The following PCED1B variants were observed in gnomAD, a reference collection of about 807,000 sequenced individuals.
PCED1B encodes PC-esterase domain containing 1B, also known as PC-esterase domain-containing protein 1B.
For synonymous variants in PCED1B, 251 were observed against 246.1 expected (o/e 1.02, Z -0.19); for missense variants, 573 against 573.9 (o/e 1.00, Z 0.02).
At chr12:47,175,269 A>G (rs1006104635) in intron 2 of PCED1B, among the ~76,000 whole-genome samples, 21 of 152,222 alleles carry the variant, frequency 1.4e-4, no homozygotes, top group Admixed American at 1.4e-3. Flanking sequence ...AAAAGTGCTC[A>G]TAATATCTGG....
At chr12:47,234,986 C>T in intron 3 of PCED1B, 21 bp from the exon 4 acceptor site, 1 of 1,368,070 alleles carries the variant, frequency 7.3e-7, no homozygotes, top group South Asian at 1.6e-5. Flanking sequence ...CCCTCCCAGC[C>T]CTTCTCTCCT....
At chr12:47,161,989 C>G (rs1033207685) in intron 2 of PCED1B, among the ~76,000 whole-genome samples, 18 of 152,058 alleles carry the variant, frequency 1.2e-4, no homozygotes, top group Non-Finnish European at 7.4e-5. Context: ...TGGAAACCAT[C>G]ATTCTCAGCA....
intron 2 of PCED1B, among the ~76,000 whole-genome samples, chr12:47,178,314 T>C (rs1941989169): frequency 1.3e-5 from 2 of 152,186 alleles, no homozygotes; most frequent in African/African-American, 4.8e-5. Flanking sequence ...TGCCATGTGC[T>C]GACTGCATTT....
chr12:47,119,931 A>G (rs1939602583), intron 2 of PCED1B, among the ~76,000 whole-genome samples: 2 of 151,786 alleles, frequency 1.3e-5, no homozygotes, highest in Admixed American at 1.3e-4. Context: ...ACACCACTGC[A>G]CTCCAGCCTG....
intron 2 of PCED1B, chr12:47,136,085 C>CTTTTTTTTTT (rs57549946): frequency 3.8e-5 from 5 of 131,498 alleles, no homozygotes; most frequent in East Asian, 2.2e-4. Context: ...CAATTTCTTT[C>CTTTTTTTTTT]TTTTTTTTTT....
chr12:47,093,785 G>T (rs1216230261), intron 1 of PCED1B, among the ~76,000 whole-genome samples: 1 of 151,912 alleles, frequency 6.6e-6, no homozygotes, highest in Non-Finnish European at 1.5e-5. Flanking sequence ...GGTCAGAGAA[G>T]ACATTCTGAA....
intron 2 of PCED1B, among the ~76,000 whole-genome samples, chr12:47,158,953 C>T (rs1163245369): frequency 6.6e-6 from 1 of 152,132 alleles, no homozygotes; most frequent in African/African-American, 2.4e-5. Context: ...TACTCTCTAT[C>T]TCCATGAACT....
At chr12:47,190,541 C>T (rs1942410209) in intron 2 of PCED1B, among the ~76,000 whole-genome samples, 2 of 152,208 alleles carry the variant, frequency 1.3e-5, no homozygotes, top group Admixed American at 6.5e-5. Flanking sequence ...GTGGGAAACC[C>T]TCTTTATAGC....
chr12:47,197,175 G>A (rs1209143096), intron 2 of PCED1B, among the ~76,000 whole-genome samples: 1 of 144,368 alleles, frequency 6.9e-6, no homozygotes, highest in Non-Finnish European at 1.5e-5. Flanking sequence ...GGAGGCGGAG[G>A]TTGCAGTGAG....
rs1291573558 is a variant in PCED1B, at chr12:47,235,417, G to T, written c.354G>T (p.Leu118=). 6.2e-7 allele frequency: 1 copy of T among 1,614,064 alleles called. No homozygotes were observed. Among genetic ancestry groups the T allele is most frequent in the African/African-American group, 1.3e-5 (1 of 74,926 alleles). The change falls in exon 4 of 4, where the codon CTG becomes CTT. Residue 118 remains leucine (L), a synonymous_variant. Coordinates refer to ENST00000546455, the MANE Select transcript of PCED1B (RefSeq NM_138371.3). The part of the protein sequence containing the change: ...ELQSGEHAPD[L]VIMNSCLWDI... ...AGTCGGGCGAGCACGCCCCCGACCTGGTCATCATGAATTCCTGCCTCTGGG... is the reference window on the plus strand; with the variant it reads ...AGTCGGGCGAGCACGCCCCCGACCTTGTCATCATGAATTCCTGCCTCTGGG...
At chr12:47,149,173 A>G (rs1940899571) in intron 2 of PCED1B, among the ~76,000 whole-genome samples, 1 of 152,244 alleles carries the variant, frequency 6.6e-6, no homozygotes, top group South Asian at 2.1e-4. Flanking sequence ...CAGTTTAGAC[A>G]TCACTCAATT....
intron 1 of PCED1B, among the ~76,000 whole-genome samples, chr12:47,082,753 A>C (rs1268037275): frequency 6.6e-6 from 1 of 152,190 alleles, no homozygotes; most frequent in Admixed American, 6.5e-5. Context: ...GGATGCAATT[A>C]TCTCAAGGTT....
At chr12:47,087,086 C>T (rs1443512664) in intron 1 of PCED1B, among the ~76,000 whole-genome samples, 1 of 152,196 alleles carries the variant, frequency 6.6e-6, no homozygotes, top group Non-Finnish European at 1.5e-5. Context: ...AAACACAAGG[C>T]CCTCTGTGGT....
chr12:47,183,076 G>A (rs886640106), intron 2 of PCED1B, among the ~76,000 whole-genome samples: 1 of 151,990 alleles, frequency 6.6e-6, no homozygotes, highest in Admixed American at 6.6e-5. Flanking sequence ...TGGAAAACAG[G>A]TGACATAAAG....
intron 2 of PCED1B, among the ~76,000 whole-genome samples, chr12:47,185,680 G>T (rs115534146): frequency 3.3e-5 from 5 of 151,414 alleles, no homozygotes; most frequent in African/African-American, 4.9e-5. Context: ...TCCCAACTAT[G>T]CAGGAGGCTG....
At chr12:47,215,256 C>CT (rs572530499) in intron 2 of PCED1B, among the ~76,000 whole-genome samples, 78 of 144,108 alleles carry the variant, frequency 5.4e-4, no homozygotes, top group East Asian at 2.0e-3. Context: ...CTCCCCCACC[C>CT]TTTTTTTTTT....
chr12:47,213,015 C>A (rs1943140508), intron 2 of PCED1B, among the ~76,000 whole-genome samples: 1 of 152,212 alleles, frequency 6.6e-6, no homozygotes. Context: ...GAAATCCTGA[C>A]AGAATGGGAT....
At chr12:47,202,581 G>A (rs1438229323) in intron 2 of PCED1B, among the ~76,000 whole-genome samples, 11 of 113,928 alleles carry the variant, frequency 9.7e-5, no homozygotes, top group African/African-American at 3.1e-4. Context: ...ACTCCTTCAC[G>A]TCTAGACATT....
chr12:47,094,164 T>C (rs1006650706), intron 1 of PCED1B, among the ~76,000 whole-genome samples: 1 of 152,140 alleles, frequency 6.6e-6, no homozygotes, highest in African/African-American at 2.4e-5. Context: ...TGGACTTATT[T>C]ATTTATAATT....
Sources: gnomAD v4.1 joint callset for allele counts (sites outside exome capture counted in the v4.1 genomes callset) on GRCh38, gnomAD v4.1.1 for gene constraint, MANE v1.5 for transcripts, NCBI Gene and HGNC (gene_info 2026-07-23, HGNC 2026-07-21) for gene names.